LHX8: variants seen among roughly 807,000 people sequenced by gnomAD.
LHX8 encodes LIM homeobox 8.
LHX8 carries 12 observed loss-of-function variants against 40.3 expected under a neutral mutation model. That is an observed-to-expected ratio of 0.30 (90% CI 0.19 to 0.48). The LOEUF is 0.48. Among genes scored for constraint, LHX8 ranks in the 20% least tolerant of loss-of-function variants. The pLI is 0.99. For missense variants in LHX8, 344 were observed against 433.7 expected, an observed-to-expected ratio of 0.79 and a Z score of 1.84; for synonymous variants, 179 against 162.0, an observed-to-expected ratio of 1.10 and a Z score of -0.80.
intron 7 of LHX8, among the ~76,000 whole-genome samples, chr1:75,156,364 T>C (rs1001137132): frequency 1.3e-5 from 2 of 151,848 alleles, no homozygotes; most frequent in Non-Finnish European, 2.9e-5. Context: ...GCCTCAGCCA[T>C]CCGAGTAGCT....
the LHX8 span, among the ~76,000 whole-genome samples, chr1:75,195,227 G>A: frequency 1.3e-5 from 2 of 152,124 alleles, no homozygotes; most frequent in Non-Finnish European, 2.9e-5. Context: ...AGAGGCAGGT[G>A]TTGTCCCAGT....
Position 75,137,144 on chromosome 1 carries a change from G to C in LHX8, c.120G>C (p.Ser40=), listed in dbSNP as rs145195318. 35 of 1,611,696 alleles carry C rather than the reference G, an allele frequency of 2.2e-5. No homozygotes were observed. Among genetic ancestry groups the C allele is most frequent in the Non-Finnish European group, 2.9e-5 (34 of 1,179,058 alleles). ...GAGDEDSCSS[S]APLSPSSSPR... ...GGGACGAGGACTCGTGCTCCTCCTC[G>C]GCCCCGCTGTCCCCGTCGTCCTCGC... Residue 40 remains serine (S), a synonymous_variant, in exon 3 of 9, where the codon TCG becomes TCC. Coordinates refer to ENST00000356261, the MANE Select transcript of LHX8 (RefSeq NM_001256114.2).
chr1:75,144,726 G>A (rs10493553), intron 6 of LHX8, among the ~76,000 whole-genome samples: 31,764 of 152,004 alleles, frequency 0.21, 4,514 homozygotes, highest in East Asian at 0.76. Flanking sequence ...ATGTGGCTGA[G>A]GTATTTGTTT....
chr1:75,144,321 A>G (rs1648403637), intron 6 of LHX8, among the ~76,000 whole-genome samples: 1 of 152,180 alleles, frequency 6.6e-6, no homozygotes, highest in African/African-American at 2.4e-5. Context: ...AGAGACATAC[A>G]TGTCCCATGT....
chr1:75,188,074 C>A, the LHX8 span, among the ~76,000 whole-genome samples: 1 of 152,028 alleles, frequency 6.6e-6, no homozygotes, highest in Non-Finnish European at 1.5e-5. Context: ...TCATGTTGAG[C>A]CAGCTATGGG....
the LHX8 span, among the ~76,000 whole-genome samples, chr1:75,186,902 T>G: frequency 1.3e-5 from 2 of 152,174 alleles, no homozygotes; most frequent in South Asian, 4.1e-4. Context: ...GGCTGACCTA[T>G]GCAGAGCTGT....
the LHX8 span, among the ~76,000 whole-genome samples, chr1:75,173,187 T>G: frequency 6.6e-6 from 1 of 152,008 alleles, no homozygotes; most frequent in Non-Finnish European, 1.5e-5. Flanking sequence ...TAGTGAACAC[T>G]TGGTATGTGT....
chr1:75,165,738 T>C (rs1349381170), downstream of LHX8, among the ~76,000 whole-genome samples: 1 of 152,098 alleles, frequency 6.6e-6, no homozygotes, highest in East Asian at 1.9e-4. Flanking sequence ...AGAATAAGAC[T>C]CTATGTTTGA....
intron 4 of LHX8, among the ~76,000 whole-genome samples, chr1:75,142,087 C>T (rs895171854): frequency 1.3e-5 from 2 of 152,044 alleles, no homozygotes; most frequent in Non-Finnish European, 2.9e-5. Context: ...TAATTTGCTT[C>T]CTCATTCACT....
At chr1:75,179,502 GTTTTT>G in the LHX8 span, among the ~76,000 whole-genome samples, 2 of 108,486 alleles carry the variant, frequency 1.8e-5, no homozygotes, top group African/African-American at 6.9e-5. Context: ...AACCCCTGTT[GTTTTT>G]TTTTTTTTTT....
intron 7 of LHX8, among the ~76,000 whole-genome samples, chr1:75,151,525 G>C (rs551793972): frequency 1.3e-5 from 2 of 152,308 alleles, no homozygotes; most frequent in South Asian, 4.1e-4. Flanking sequence ...TTAAATATTT[G>C]TGAAAGGCTT....
chr1:75,173,092 C>T, the LHX8 span, among the ~76,000 whole-genome samples: 1 of 152,116 alleles, frequency 6.6e-6, no homozygotes, highest in South Asian at 2.1e-4. Flanking sequence ...TTCTGGGAGT[C>T]TTTTGGGAGA....
At chr1:75,159,958 CTGT>C (rs1449962823) in intron 8 of LHX8, 2 of 152,102 alleles carry the variant, frequency 1.3e-5, no homozygotes, top group Admixed American at 6.6e-5. Flanking sequence ...GTTTTGTTTT[CTGT>C]TGTTGTTTTT....
the LHX8 span, among the ~76,000 whole-genome samples, chr1:75,193,671 A>C: frequency 1.3e-5 from 2 of 152,186 alleles, no homozygotes; most frequent in East Asian, 3.8e-4. Flanking sequence ...ATATAACTCC[A>C]ACCTGTGTTT....
Position 75,137,083 on chromosome 1 carries a change from C to T in LHX8, c.76-17C>T. 6.3e-7 allele frequency: 1 copy of T among 1,594,992 alleles called. No homozygotes were observed. Among genetic ancestry groups the T allele is most frequent in the Non-Finnish European group, 8.6e-7 (1 of 1,168,472 alleles). On this transcript the variant is annotated splice_polypyrimidine_tract_variant and intron_variant, in intron 2 of 8. Transcript: ENST00000356261. ...AGGAGGGGTCTAGAACCGCCTGCGC[C>T]TCGCGGTTTCCTGCAGGTGAGCCCC... is the stretch of plus-strand genomic sequence containing the variant.
At chr1:75,185,150 G>A in the LHX8 span, among the ~76,000 whole-genome samples, 538 of 151,808 alleles carry the variant, frequency 3.5e-3, 1 homozygote, top group Middle Eastern at 6.8e-3. Flanking sequence ...GGACCAGACA[G>A]ATTCAAAGCC....
chr1:75,134,604 C>A lies in LHX8; in HGVS notation c.-363C>A, dbSNP rs1648066316. Reference sequence around the variant, plus strand: ...CCCTCTGGAGTTGGTATGTGATAAGCAGCCCTAGCAGTGCCATGTATTGGA... The same window carrying A: ...CCCTCTGGAGTTGGTATGTGATAAGAAGCCCTAGCAGTGCCATGTATTGGA... On this transcript the variant is annotated 5_prime_UTR_variant, in exon 1 of 9. Transcript: ENST00000356261. 6.6e-6 allele frequency among the ~76,000 whole-genome samples: 1 copy of A among 152,022 alleles called. No individual in the cohort carries two copies. The highest frequency in any genetic ancestry group is 2.4e-5 in the African/African-American group (1 of 41,392).
At chr1:75,163,226 CAT>C (rs761267880), downstream of LHX8, among the ~76,000 whole-genome samples, 1 of 152,108 alleles carries the variant, frequency 6.6e-6, no homozygotes, top group Non-Finnish European at 1.5e-5. Context: ...CCATAATAAA[CAT>C]TGTTAGATAG....
intron 2 of LHX8, 78 bp from the exon 3 acceptor site, chr1:75,137,021 TG>T: frequency 2.0e-6 from 2 of 978,824 alleles, no homozygotes; most frequent in Non-Finnish European, 1.3e-6. Flanking sequence ...GGGGAGGCGG[TG>T]GGGGCGCCCT....
Sources: gnomAD v4.1 joint callset for allele counts (sites outside exome capture counted in the v4.1 genomes callset) on GRCh38, gnomAD v4.1.1 for gene constraint, MANE v1.5 for transcripts, NCBI Gene and HGNC (gene_info 2026-07-23, HGNC 2026-07-21) for gene names.